Variants in USP50 observed in about 807,000 individuals in gnomAD.
The protein encoded by USP50 is ubiquitin carboxyl-terminal hydrolase 50.
USP50 carries 37 observed loss-of-function variants against 39.2 expected under a neutral mutation model. The ratio of observed to expected loss-of-function variants is 0.94; its 90% CI spans 0.73 to 1.24. The LOEUF (loss-of-function observed/expected upper bound fraction) is 1.24. Among genes scored for constraint, USP50 ranks in the 50% most tolerant of loss-of-function variants. The pLI, the probability that USP50 is intolerant of heterozygous loss-of-function variation, is 0.00. For missense variants in USP50, 374 were observed against 398.2 expected (o/e 0.94, Z 0.52); for synonymous variants, 139 against 144.5 (o/e 0.96, Z 0.27).
intron 6 of USP50, chr15:50,502,772 A>C (rs1163400934): frequency 6.6e-6 from 1 of 152,364 alleles, no homozygotes; most frequent in Non-Finnish European, 1.5e-5. Flanking sequence ...AGCTGGGACT[A>C]CAGGCATACA....
intron 6 of USP50, among the ~76,000 whole-genome samples, chr15:50,518,423 C>T (rs549974412): frequency 6.6e-6 from 1 of 151,770 alleles, no homozygotes; most frequent in East Asian, 1.9e-4. Context: ...CGGGGTTTCA[C>T]CGCAGTCTCG....
chr15:50,511,814 T>C (rs2052741796), intron 6 of USP50: 1 of 151,970 alleles, frequency 6.6e-6, no homozygotes, highest in South Asian at 2.1e-4. Context: ...CTGGGCAATA[T>C]AGCAAAACCC....
At chr15:50,493,939 CAAAT>C (rs759865075), downstream of USP50, 28 of 1,082,272 alleles carry the variant, frequency 2.6e-5, no homozygotes, top group South Asian at 1.8e-4. Flanking sequence ...GGTGAGCCTG[CAAAT>C]AAATAAGTAG....
At chr15:50,545,948 T>C (rs1321914635) in intron 1 of USP50, among the ~76,000 whole-genome samples, 1 of 151,080 alleles carries the variant, frequency 6.6e-6, no homozygotes, top group East Asian at 1.9e-4. Flanking sequence ...GTGATTGATC[T>C]AGGATGTCCT....
At chr15:50,530,470 G>A (rs1003867102) in intron 5 of USP50, among the ~76,000 whole-genome samples, 7 of 151,614 alleles carry the variant, frequency 4.6e-5, no homozygotes, top group African/African-American at 1.7e-4. Context: ...TGTAATCCCA[G>A]CTACTCGGGA....
intron 6 of USP50, among the ~76,000 whole-genome samples, chr15:50,527,777 G>T (rs2052910023): frequency 6.6e-6 from 1 of 151,616 alleles, no homozygotes; most frequent in African/African-American, 2.4e-5. Flanking sequence ...TGAGATTACA[G>T]GTGCATGCCA....
chr15:50,540,631 TTTAC>T (rs1469362902), intron 4 of USP50, among the ~76,000 whole-genome samples: 1 of 152,140 alleles, frequency 6.6e-6, no homozygotes, highest in Non-Finnish European at 1.5e-5. Context: ...TATTTATTTA[TTTAC>T]TTATTTGAGA....
At position 50,544,577 on chromosome 15, in the gene USP50, A is replaced by G; in HGVS notation, c.248+10T>C. 6.2e-7 allele frequency: 1 copy of G among 1,610,002 alleles called. No individual in the cohort carries two copies. The highest frequency in any genetic ancestry group is 8.5e-7 in the Non-Finnish European group (1 of 1,177,810). The stretch of plus-strand genomic sequence containing the variant: ...GGGGGCTGGGCTGCAGGGAATGCAA[A>G]TGGTCTTACTTTTGCAGAGCGGTGA... On this transcript the variant is annotated intron_variant, in intron 2 of 6. Transcript: ENST00000532404.
rs148955484 is a variant in USP50, at chr15:50,507,825, C to T, written c.937-6988G>A. On this transcript the variant is annotated intron_variant, in intron 6 of 6. Transcript: ENST00000532404. ...GTGGCTCATGCCTGTAATCCCAGCA[C>T]TTTGGGAGGCCAAGGCAGGCGAATC... 312 of 152,258 alleles carry T rather than the reference C, an allele frequency of 2.0e-3. 8 individuals carry two copies. The East Asian group carries it at 0.054, about 26-fold the overall frequency. The allele number at this position is 152,258 out of a possible 1,614,324, so 9.4% of individuals were successfully genotyped here. A position where few individuals can be genotyped will look rare whatever the true frequency, so the allele number is the denominator to read the frequency against.
chr15:50,495,482 TTGGA>T (rs1555392677), intron 1 of USP50, among the ~76,000 whole-genome samples: 9,422 of 104,858 alleles, frequency 0.09, 430 homozygotes, highest in African/African-American at 0.15. Flanking sequence ...TTAGTAGAGA[TTGGA>T]GGGGGGGGTC....
downstream of USP50, chr15:50,498,900 C>T (rs1410173087): frequency 1.3e-6 from 2 of 1,588,282 alleles, no homozygotes; most frequent in East Asian, 2.2e-5. Flanking sequence ...TTGTTTGGCA[C>T]AGAATCACTA....
At chr15:50,493,167 G>A (rs531112830), downstream of USP50, 14 of 567,156 alleles carry the variant, frequency 2.5e-5, 1 homozygote, top group South Asian at 1.8e-4. Context: ...TCGTCCTGTC[G>A]AGCCCTAAAC....
chr15:50,513,411 A>G (rs2052763353), intron 6 of USP50: 1 of 152,000 alleles, frequency 6.6e-6, no homozygotes, highest in Non-Finnish European at 1.5e-5. Context: ...TATTTAATGA[A>G]AAAGTATGCT....
At chr15:50,501,181 C>T (rs1030276964) in intron 6 of USP50, 5 of 225,966 alleles carry the variant, frequency 2.2e-5, no homozygotes, top group East Asian at 1.1e-4. Context: ...TAATTCAGGC[C>T]GGGCACAGTG....
At chr15:50,502,101 T>C (rs1423566942) in intron 6 of USP50, 1 of 152,168 alleles carries the variant, frequency 6.6e-6, no homozygotes, top group Non-Finnish European at 1.5e-5. Flanking sequence ...AAATTGATTA[T>C]TTGTTAACTT....
intron 5 of USP50, among the ~76,000 whole-genome samples, chr15:50,537,382 T>A (rs1309595658): frequency 1.3e-5 from 2 of 152,162 alleles, no homozygotes; most frequent in Non-Finnish European, 2.9e-5. Flanking sequence ...CTAGATAATC[T>A]TGTGTTTGGC....
intron 3 of USP50, among the ~76,000 whole-genome samples, chr15:50,541,958 T>C (rs1229596316): frequency 3.3e-5 from 5 of 151,576 alleles, no homozygotes; most frequent in African/African-American, 1.2e-4. Context: ...CTAACATCTG[T>C]AATCGTCGTG....
rs1414223719 is a variant in USP50, at chr15:50,514,985, G to A, written c.937-14148C>T. Among the ~76,000 whole-genome samples the A allele has an allele frequency of 8.4e-5, 8 of 95,306 alleles. No homozygotes were observed. In the South Asian group the frequency reaches 1.5e-3, roughly 18 times the overall value. The allele number at this position is 95,306 out of a possible 152,430, so 62.5% of individuals were successfully genotyped here. A position where few individuals can be genotyped will look rare whatever the true frequency, so the allele number is the denominator to read the frequency against. ...TACTTCAGCCTGGGAAAAAGAGAGA[G>A]ACACAGTCTAAAAAAAAAAAAAAAA... On this transcript the variant is annotated intron_variant, in intron 6 of 6. Transcript: ENST00000532404.
intron 5 of USP50, 52 bp downstream of exon 5, chr15:50,538,657 C>G: frequency 6.8e-7 from 1 of 1,466,752 alleles, no homozygotes; most frequent in Non-Finnish European, 9.1e-7. Flanking sequence ...TGAATTTTAT[C>G]TCTATAAGGC....
Sources: gnomAD v4.1 joint callset for allele counts (sites outside exome capture counted in the v4.1 genomes callset) on GRCh38, gnomAD v4.1.1 for gene constraint, MANE v1.5 for transcripts, NCBI Gene and HGNC (gene_info 2026-07-23, HGNC 2026-07-21) for gene names.